Variants in CSMD1 observed in about 807,000 individuals in gnomAD.
CSMD1 encodes the protein CUB and sushi domain-containing protein 1.
A neutral mutation model predicts 417.5 loss-of-function variants in CSMD1; 213 were observed. The ratio of observed to expected loss-of-function variants is 0.51; its 90% confidence interval spans 0.46 to 0.57. CSMD1 has a LOEUF of 0.57. Among genes scored for constraint, CSMD1 ranks in the 20% least tolerant of loss-of-function variants. CSMD1 has a pLI of 0.00. For synonymous variants in CSMD1, 2,862 were observed against 1,736.8 expected (o/e 1.65, Z -16.11); for missense variants, 6,923 against 4,529.7 (o/e 1.53, Z -15.17).
chr8:3,138,492 G>A (rs1267947714), intron 41 of CSMD1, among the ~76,000 whole-genome samples: 2 of 152,196 alleles, frequency 1.3e-5, no homozygotes, highest in Non-Finnish European at 2.9e-5. Context: ...GAGAGAATGG[G>A]AGAGATTTGG....
At chr8:3,762,735 G>C (rs374438352) in intron 5 of CSMD1, among the ~76,000 whole-genome samples, 1 of 152,152 alleles carries the variant, frequency 6.6e-6, no homozygotes, top group Non-Finnish European at 1.5e-5. Flanking sequence ...GGGGAGCCAG[G>C]CCACAGCTCG....
chr8:3,110,228 G>A lies in CSMD1; in HGVS notation c.6538C>T (p.Pro2180Ser). 2 of 1,613,156 alleles carry A rather than the reference G, an allele frequency of 1.2e-6. No homozygotes were observed. The highest frequency in any genetic ancestry group is 1.7e-6 in the Non-Finnish European group (2 of 1,179,572). Residue 2180 changes from proline to serine, a missense_variant, in exon 43 of 70, where the codon CCA becomes TCA. Physicochemically the swap from Pro to Ser is moderately conservative, Grantham distance 74. Coordinates refer to ENST00000635120, the MANE Select transcript of CSMD1 (RefSeq NM_033225.6). Reference protein sequence around the residue: ...KDCIWLITVPPGHGVYINFTL... With the variant: ...KDCIWLITVPSGHGVYINFTL... ...AAGTTGATGTAAACTCCGTGCCCTG[G>A]AGGCACCGTGATGAGCCAAATGCAG...
At chr8:4,444,119 A>G (rs1165104673) in intron 2 of CSMD1, among the ~76,000 whole-genome samples, 1 of 151,984 alleles carries the variant, frequency 6.6e-6, no homozygotes, top group African/African-American at 2.4e-5. Context: ...AGGCAGGTCG[A>G]TCACTTCAGG....
intron 2 of CSMD1, among the ~76,000 whole-genome samples, chr8:4,456,662 C>A (rs1291781292): frequency 1.3e-5 from 2 of 152,092 alleles, no homozygotes; most frequent in African/African-American, 2.4e-5. Flanking sequence ...ACCCTCCAAC[C>A]AATCATCTGA....
chr8:4,083,602 A>G (rs564783194), intron 3 of CSMD1, among the ~76,000 whole-genome samples: 2 of 152,300 alleles, frequency 1.3e-5, no homozygotes, highest in East Asian at 1.9e-4. Flanking sequence ...AGGATTCCCT[A>G]TTTAATTAAT....
chr8:4,594,559 T>C (rs1015412839), intron 2 of CSMD1, among the ~76,000 whole-genome samples: 13 of 152,144 alleles, frequency 8.5e-5, no homozygotes, highest in Non-Finnish European at 1.5e-5. Flanking sequence ...AGGAATTTGA[T>C]GTGTGCGTTT....
intron 5 of CSMD1, among the ~76,000 whole-genome samples, chr8:3,784,990 T>A (rs982183327): frequency 6.6e-6 from 1 of 152,214 alleles, no homozygotes; most frequent in Non-Finnish European, 1.5e-5. Context: ...ATGTCTCTCA[T>A]GTCAGATTCT....
At chr8:2,972,428 T>C (rs2128932979) in intron 57 of CSMD1, among the ~76,000 whole-genome samples, 1 of 152,274 alleles carries the variant, frequency 6.6e-6, no homozygotes, top group African/African-American at 2.4e-5. Context: ...TTCCTAACAT[T>C]TACATTCCTA....
At chr8:4,338,650 T>C (rs1431542662) in intron 3 of CSMD1, among the ~76,000 whole-genome samples, 12 of 152,120 alleles carry the variant, frequency 7.9e-5, no homozygotes, top group Admixed American at 6.6e-4. Flanking sequence ...TGTCATAAAA[T>C]GTGCTCACGG....
intron 5 of CSMD1, among the ~76,000 whole-genome samples, chr8:3,853,752 G>C (rs1391741390): frequency 6.6e-6 from 1 of 151,646 alleles, no homozygotes; most frequent in Non-Finnish European, 1.5e-5. Context: ...ACAGCATTAG[G>C]AGATATACCT....
At chr8:4,660,538 G>A (rs1021271145) in intron 1 of CSMD1, among the ~76,000 whole-genome samples, 2 of 151,880 alleles carry the variant, frequency 1.3e-5, no homozygotes, top group African/African-American at 4.8e-5. Context: ...AATGTATAGG[G>A]CAAGACAAAG....
chr8:4,327,119 A>G (rs1206747718), intron 3 of CSMD1, among the ~76,000 whole-genome samples: 1 of 152,186 alleles, frequency 6.6e-6, no homozygotes, highest in Admixed American at 6.5e-5. Flanking sequence ...ATCCAGCTGT[A>G]ATATCTGTTA....
chr8:4,089,386 T>C (rs1800596735), intron 3 of CSMD1, among the ~76,000 whole-genome samples: 1 of 152,192 alleles, frequency 6.6e-6, no homozygotes, highest in South Asian at 2.1e-4. Context: ...AGAGGTTCTC[T>C]GAGAAGAAAA....
chr8:3,827,335 T>C (rs1490880432), intron 5 of CSMD1, among the ~76,000 whole-genome samples: 1 of 152,158 alleles, frequency 6.6e-6, no homozygotes, highest in Non-Finnish European at 1.5e-5. Context: ...TTAAACAAAA[T>C]TAATAACTAT....
chr8:4,497,674 C>T (rs900437553), intron 2 of CSMD1, among the ~76,000 whole-genome samples: 2 of 152,018 alleles, frequency 1.3e-5, no homozygotes, highest in African/African-American at 2.4e-5. Context: ...TACCATACTC[C>T]AATTAAAGGG....
At chr8:3,795,088 GAT>G (rs796867246) in intron 5 of CSMD1, among the ~76,000 whole-genome samples, 1 of 103,800 alleles carries the variant, frequency 9.6e-6, no homozygotes, top group Non-Finnish European at 2.0e-5. Context: ...TACAGCTATA[GAT>G]ATATATCTAT....
At chr8:4,295,714 A>T (rs2128870130) in intron 3 of CSMD1, among the ~76,000 whole-genome samples, 1 of 142,388 alleles carries the variant, frequency 7.0e-6, no homozygotes, top group Admixed American at 7.3e-5. Flanking sequence ...ATTGTGTTAA[A>T]ATTATATATA....
chr8:4,195,598 C>G (rs1461487541), intron 3 of CSMD1, among the ~76,000 whole-genome samples: 1 of 152,240 alleles, frequency 6.6e-6, no homozygotes, highest in African/African-American at 2.4e-5. Context: ...ACTGTCATGA[C>G]TGTGTGATAT....
At chr8:4,742,000 CTTTTTTTTTTTTTTTTTTTTTTTTTTTTT>C (rs71209120) in intron 1 of CSMD1, among the ~76,000 whole-genome samples, 57 of 73,818 alleles carry the variant, frequency 7.7e-4, no homozygotes, top group African/African-American at 2.3e-3. Flanking sequence ...ACCACACCCA[CTTTTTTTTTTTTTTTTTTTTTTTTTTTTT>C]TTTTTTTTTT....
Sources: gnomAD v4.1 joint callset for allele counts (sites outside exome capture counted in the v4.1 genomes callset) on GRCh38, gnomAD v4.1.1 for gene constraint, MANE v1.5 for transcripts, NCBI Gene and HGNC (gene_info 2026-07-23, HGNC 2026-07-21) for gene names.